AKT3: variants seen among roughly 807,000 people sequenced by gnomAD.
AKT3 encodes RAC-gamma serine/threonine-protein kinase.
AKT3 carries 15 observed loss-of-function variants against 65.3 expected under a neutral mutation model. The observed-to-expected ratio is 0.23, with a 90% confidence interval of 0.15 to 0.35. The LOEUF is 0.35. AKT3 is among the 10% of genes least tolerant of loss of function. The pLI, the probability that AKT3 is intolerant of heterozygous loss-of-function variation, is 1.00. For missense variants in AKT3, 243 were observed against 576.5 expected, an observed-to-expected ratio of 0.42 and a Z score of 5.92; for synonymous variants, 206 against 183.8, an observed-to-expected ratio of 1.12 and a Z score of -0.98.
At position 243,501,311 on chromosome 1, in the gene AKT3, G is replaced by GTTGT. The variant is rs763016492; in HGVS notation, c.*3934_*3937dup. The GTTGT allele has an allele frequency of 7.7e-5, 18 of 233,056 alleles. No individual in the cohort carries two copies. Among genetic ancestry groups the GTTGT allele is most frequent in the Admixed American group, 1.1e-4 (2 of 17,780 alleles). 14.4% of individuals were successfully genotyped at this position (233,056 alleles called of 1,614,324 possible). On this transcript the variant is annotated 3_prime_UTR_variant, in exon 14 of 14. Transcript: ENST00000673466. The stretch of plus-strand genomic sequence containing the variant: ...TAAGTTTGTTAATTTGCCATGACAT[G>GTTGT]TTGTTAGAAATACACTCTAAGAAAG...
At chr1:243,724,302 TTGTACCATTTTCTACTTTACATACTAAC>T (rs1455980563) in intron 2 of AKT3, among the ~76,000 whole-genome samples, 2 of 151,876 alleles carry the variant, frequency 1.3e-5, no homozygotes, top group African/African-American at 4.8e-5. Flanking sequence ...GAGTATGCAG[TTGTACCATTTTCTACTTTACATACTAAC>T]TAGTTCAGTC....
chr1:243,850,703 C>T (rs1409068495), upstream of AKT3, among the ~76,000 whole-genome samples: 1 of 151,898 alleles, frequency 6.6e-6, no homozygotes, highest in Non-Finnish European at 1.5e-5. Context: ...GCCCTGCCCG[C>T]CGCCTCTGCT....
At chr1:243,732,249 T>A (rs1687610107) in intron 2 of AKT3, among the ~76,000 whole-genome samples, 1 of 152,120 alleles carries the variant, frequency 6.6e-6, no homozygotes, top group Non-Finnish European at 1.5e-5. Context: ...AAAGCTAAGA[T>A]GTTCCCCAGA....
At chr1:243,802,787 C>G (rs1159824840) in intron 2 of AKT3, among the ~76,000 whole-genome samples, 1 of 152,164 alleles carries the variant, frequency 6.6e-6, no homozygotes, top group East Asian at 1.9e-4. Flanking sequence ...AGAGTTAGGA[C>G]TAAAACCCAG....
chr1:243,697,131 T>C (rs959184794), intron 2 of AKT3, among the ~76,000 whole-genome samples: 3 of 152,160 alleles, frequency 2.0e-5, no homozygotes, highest in African/African-American at 7.2e-5. Context: ...AAATTGAAAA[T>C]AGATTTTATA....
At chr1:243,762,560 C>G (rs1400411242) in intron 2 of AKT3, among the ~76,000 whole-genome samples, 1 of 152,024 alleles carries the variant, frequency 6.6e-6, no homozygotes, top group Non-Finnish European at 1.5e-5. Context: ...TACTTTCTCT[C>G]AAACCCTTCG....
At chr1:243,768,115 A>G (rs1689945547) in intron 2 of AKT3, among the ~76,000 whole-genome samples, 1 of 151,034 alleles carries the variant, frequency 6.6e-6, no homozygotes, top group African/African-American at 2.4e-5. Context: ...AAAATAAAAA[A>G]TAAATGCCCT....
chr1:243,751,832 C>T (rs1167076601), intron 2 of AKT3, among the ~76,000 whole-genome samples: 2 of 152,120 alleles, frequency 1.3e-5, no homozygotes, highest in Admixed American at 6.5e-5. Context: ...GTGAGTTCTT[C>T]GGTATCAAGA....
intron 2 of AKT3, among the ~76,000 whole-genome samples, chr1:243,756,173 T>A (rs1401034063): frequency 6.6e-6 from 1 of 152,186 alleles, no homozygotes; most frequent in Non-Finnish European, 1.5e-5. Flanking sequence ...GATGCAGAAA[T>A]CGTAAGAATA....
intron 8 of AKT3, among the ~76,000 whole-genome samples, chr1:243,602,670 C>T (rs1236067413): frequency 6.6e-6 from 1 of 151,930 alleles, no homozygotes; most frequent in African/African-American, 2.4e-5. Context: ...ATGGCAAGAA[C>T]CTGAAAGCCG....
intron 5 of AKT3, among the ~76,000 whole-genome samples, chr1:243,638,935 T>G (rs951098367): frequency 6.6e-6 from 1 of 151,948 alleles, no homozygotes; most frequent in Non-Finnish European, 1.5e-5. Flanking sequence ...AAAAAATCAG[T>G]GAAACCAAAA....
chr1:243,715,302 T>C (rs193286869), intron 2 of AKT3, among the ~76,000 whole-genome samples: 2 of 152,230 alleles, frequency 1.3e-5, no homozygotes, highest in East Asian at 1.9e-4. Flanking sequence ...CCACTACTAG[T>C]ATAGTGGCTT....
rs575054389 is a variant in AKT3 at position 243,515,566 on chromosome 1, T to TTA, written c.1252-3142_1252-3141dup. Among the ~76,000 whole-genome samples, 568 of 152,328 alleles carry TTA rather than the reference T, an allele frequency of 3.7e-3. 5 individuals are homozygous for TTA. Among genetic ancestry groups the TTA allele is most frequent in the Non-Finnish European group, 3.9e-3 (263 of 68,022 alleles). On this transcript the variant is annotated intron_variant, in intron 12 of 13. Coordinates refer to ENST00000673466, the MANE Select transcript of AKT3 (RefSeq NM_005465.7). ...ATTGGTTTTGAATGTTAAATCAATCTTATATTCCTAGAACAGACCACACTG... is the reference window on the plus strand; with the variant it reads ...ATTGGTTTTGAATGTTAAATCAATCTTATATATTCCTAGAACAGACCACACTG...
At chr1:243,812,062 A>C (rs1458194442) in intron 2 of AKT3, among the ~76,000 whole-genome samples, 1 of 152,238 alleles carries the variant, frequency 6.6e-6, no homozygotes, top group East Asian at 1.9e-4. Flanking sequence ...CTAAAACCAT[A>C]AAAACCCTAG....
intron 8 of AKT3, among the ~76,000 whole-genome samples, chr1:243,599,496 T>C (rs888888861): frequency 6.6e-6 from 1 of 151,928 alleles, no homozygotes; most frequent in South Asian, 2.1e-4. Flanking sequence ...GGTAAGAAAA[T>C]AGACGTATGC....
chr1:243,579,290 T>C (rs1391179506), intron 8 of AKT3, among the ~76,000 whole-genome samples: 4 of 152,118 alleles, frequency 2.6e-5, no homozygotes, highest in African/African-American at 9.7e-5. Context: ...AGAAAGGATA[T>C]TGTTAAGACT....
intron 2 of AKT3, among the ~76,000 whole-genome samples, chr1:243,783,673 G>A (rs904607360): frequency 6.6e-6 from 1 of 152,164 alleles, no homozygotes; most frequent in Non-Finnish European, 1.5e-5. Flanking sequence ...GGGTACTTTA[G>A]TGCTCACTTT....
intron 2 of AKT3, among the ~76,000 whole-genome samples, chr1:243,734,530 C>A (rs2148155058): frequency 6.6e-6 from 1 of 151,814 alleles, no homozygotes; most frequent in African/African-American, 2.4e-5. Flanking sequence ...AGAGAAGGTA[C>A]AGTAAAAATA....
intron 2 of AKT3, chr1:243,741,728 C>T (rs1688164055): frequency 6.6e-6 from 1 of 152,056 alleles, no homozygotes; most frequent in Non-Finnish European, 1.5e-5. Flanking sequence ...TTTAATAGAA[C>T]AAGACTAGCA....
Sources: allele counts gnomAD v4.1 joint callset (sites outside exome capture counted in the v4.1 genomes callset), GRCh38; gene constraint gnomAD v4.1.1; transcripts MANE v1.5; gene names NCBI Gene and HGNC (gene_info 2026-07-23, HGNC 2026-07-21).